KIFC2: variants seen among roughly 807,000 people sequenced by gnomAD.
The protein encoded by KIFC2 is kinesin family member C2, also known as kinesin-like protein KIFC2.
KIFC2 carries 94 observed loss-of-function variants against 91.5 expected under a neutral mutation model. The observed-to-expected ratio is 1.03, with a 90% CI of 0.87 to 1.22. The LOEUF (loss-of-function observed/expected upper bound fraction) is 1.22. Among genes scored for constraint, KIFC2 ranks in the 50% most tolerant of loss-of-function variants. KIFC2 has a pLI of 0.00. For synonymous variants in KIFC2, 729 were observed against 503.9 expected (o/e 1.45, Z -5.98); for missense variants, 1,357 against 1,103.3 (o/e 1.23, Z -3.26).
chr8:144,467,710 C>G lies in KIFC2; in HGVS notation c.616-4C>G, dbSNP rs377299795. 1.9e-6 allele frequency: 3 copies of G among 1,613,692 alleles called. No homozygotes were observed. The highest frequency in any genetic ancestry group is 2.5e-6 in the Non-Finnish European group (3 of 1,179,884). On this transcript the variant is annotated splice_region_variant and splice_polypyrimidine_tract_variant and intron_variant, in intron 5 of 17. Coordinates refer to ENST00000645548, the MANE Select transcript of KIFC2 (RefSeq NM_001369769.2). ...TCCACCCTGTCTCTCTTACTTCTCC[C>G]CAGCTGGAGGAGCTGAAGCAGCAGC...
In KIFC2 at chr8:144,469,334, C is replaced by A; in HGVS notation, c.1177C>A (p.Gln393Lys). Residue 393 changes from glutamine (Q) to lysine (K), a missense_variant, in exon 11 of 18, where the codon CAA becomes AAA. Gln to Lys is a moderately conservative substitution (Grantham distance 53, BLOSUM62 1). Coordinates refer to ENST00000645548, the MANE Select transcript of KIFC2 (RefSeq NM_001369769.2). ...GPGTQLPEGQ[Q>K]GPPAGCPGRL... ...TGGCACTCAGCTCCCTGAGGGGCAGCAAGGGCCCCCAGCCGGATGCCCAGG... is the reference window on the plus strand; with the variant it reads ...TGGCACTCAGCTCCCTGAGGGGCAGAAAGGGCCCCCAGCCGGATGCCCAGG... 1 of 1,607,938 alleles carries A rather than the reference C, an allele frequency of 6.2e-7. No homozygotes were observed. Among genetic ancestry groups the A allele is most frequent in the Admixed American group, 1.7e-5 (1 of 58,642 alleles).
At chr8:144,472,101 G>A (rs750040830) in intron 13 of KIFC2, 37 bp from the exon 14 acceptor site, 1 of 1,613,072 alleles carries the variant, frequency 6.2e-7, no homozygotes, top group South Asian at 1.1e-5. Flanking sequence ...TGCATGACTT[G>A]GATGTGAGCC....
At position 144,472,126 on chromosome 8, in the gene KIFC2, C is replaced by T. The variant is rs935364626; in HGVS notation, c.1486-12C>T. The stretch of plus-strand genomic sequence containing the variant: ...GGATGTGAGCCCGGTGTGCACCCCA[C>T]CCCATCCTCAGGGCCCTCCTGAGGA... On this transcript the variant is annotated splice_polypyrimidine_tract_variant and intron_variant, in intron 13 of 17. Transcript: ENST00000645548. 1 of 1,613,214 alleles carries T rather than the reference C, an allele frequency of 6.2e-7. No individual in the cohort carries two copies.
intron 13 of KIFC2, 24 bp from the exon 14 acceptor site, chr8:144,472,114 G>T (rs747063574): frequency 1.2e-6 from 2 of 1,612,856 alleles, no homozygotes; most frequent in African/African-American, 1.3e-5. Context: ...TGTGAGCCCG[G>T]TGTGCACCCC....
chr8:144,466,965 C>T lies in KIFC2; in HGVS notation c.185C>T (p.Ser62Phe). ...CCTCCTCCCTGACCGGCAGCCAGCTCCGAGCCTGAGGATGGGTCGGAAGGC... is the reference window on the plus strand; with the variant it reads ...CCTCCTCCCTGACCGGCAGCCAGCTTCGAGCCTGAGGATGGGTCGGAAGGC... ...WTELTGLAAS[S>F]EPEDGSEGAA... The change falls in exon 3 of 18, where the codon TCC (serine) becomes TTC (phenylalanine). Residue 62 changes from serine (S) to phenylalanine (F), a missense_variant. By Grantham distance (155) the Ser-to-Phe change is radical (BLOSUM62 -2). Transcript: ENST00000645548. 1.9e-6 allele frequency: 3 copies of T among 1,594,094 alleles called. No individual in the cohort carries two copies. Among genetic ancestry groups the T allele is most frequent in the Non-Finnish European group, 2.5e-6 (3 of 1,176,604 alleles).
At chr8:144,466,708 G>A (rs1824656436) in intron 1 of KIFC2, 52 bp from the exon 2 acceptor site, 2 of 1,415,344 alleles carry the variant, frequency 1.4e-6, no homozygotes, top group Non-Finnish European at 9.4e-7. Context: ...GAGGGAAGGG[G>A]CCAGCAGGCT....
chr8:144,468,069 C>T (rs1824758077), intron 7 of KIFC2, 82 bp downstream of exon 7: 2 of 1,445,332 alleles, frequency 1.4e-6, no homozygotes, highest in African/African-American at 1.4e-5. Context: ...CCCGAGCCTC[C>T]TCAGGACCTC....
rs1230221179 is a variant in KIFC2, at chr8:144,472,815, C to G, written c.1882C>G (p.Leu628Val). ...TCTAGGCACGCTGCACCTGGTGGAC[C>G]TGGCGGGATCCGAACGCGCACGGAA... ...GTAGTLHLVD[L>V]AGSERARKAG... Residue 628 changes from leucine to valine, a missense_variant, in exon 17 of 18, where the codon CTG becomes GTG. Physicochemically the swap from Leu to Val is conservative, Grantham distance 32. Transcript: ENST00000645548. 1 of 1,581,576 alleles carries G rather than the reference C, an allele frequency of 6.3e-7. No individual in the cohort carries two copies. The highest frequency in any genetic ancestry group is 8.5e-7 in the Non-Finnish European group (1 of 1,173,686).
chr8:144,472,358 C>A lies in KIFC2; in HGVS notation c.1608-3C>A. ...GAACCAAGACCTTCCCCTTTCTCAC[C>A]AGGGACCTCCTTGCTCCAGGGCCTC... On this transcript the variant is annotated splice_polypyrimidine_tract_variant and splice_region_variant and intron_variant, in intron 14 of 17. Transcript: ENST00000645548. 6.2e-7 allele frequency: 1 copy of A among 1,613,446 alleles called. No homozygotes were observed. The highest frequency in any genetic ancestry group is 1.1e-5 in the South Asian group (1 of 91,078).
rs1032293883 is a variant in KIFC2 at position 144,467,098 on chromosome 8, G to A, written c.318G>A (p.Ala106=). ...CGGAAGAGAGCTGCGGGGGCCCGGC[G>A]GACCTGGGCCAGGTGAGCGCGGCGG... The part of the protein sequence containing the change: ...LGAEESCGGP[A]DLGQSGEVPS... The change falls in exon 3 of 18, where the codon GCG becomes GCA. Residue 106 remains alanine, a synonymous_variant. Coordinates refer to ENST00000645548, the MANE Select transcript of KIFC2 (RefSeq NM_001369769.2). 1.4e-5 allele frequency: 23 copies of A among 1,599,822 alleles called. No homozygotes were observed. The highest frequency in any genetic ancestry group is 1.9e-5 in the Non-Finnish European group (22 of 1,173,378).
At position 144,473,815 on chromosome 8, in the gene KIFC2, C is replaced by A; in HGVS notation, c.*426C>A. On this transcript the variant is annotated 3_prime_UTR_variant, in exon 18 of 18. Transcript: ENST00000645548. ...GCAGTCTTTACTCCCTAACCCGTTT[C>A]CCGAAAAAGGTGCTACCTCCTTTCC... The A allele has an allele frequency of 2.8e-6, 1 of 358,348 alleles. No homozygotes were observed. The highest frequency in any genetic ancestry group is 4.9e-5 in the East Asian group (1 of 20,542). 22.2% of individuals were successfully genotyped at this position (358,348 alleles called of 1,614,324 possible).
Position 144,473,036 on chromosome 8 carries a change from G to C in KIFC2, c.2103G>C (p.Ala701=), listed in dbSNP as rs1174627579. Residue 701 remains alanine, a synonymous_variant, in exon 17 of 18, where the codon GCG becomes GCC. Transcript: ENST00000645548. The stretch of plus-strand genomic sequence containing the variant: ...CGGCGCTGGGCCCAGGCACCACCGC[G>C]GTGCTGCTGCTGCAGGTGGGCGCCG... ...LQPALGPGTT[A]VLLLQISTRP... 1 of 1,414,256 alleles carries C rather than the reference G, an allele frequency of 7.1e-7. No individual in the cohort carries two copies. The highest frequency in any genetic ancestry group is 2.5e-4 in the Middle Eastern group (1 of 4,008). The allele number at this position is 1,414,256 out of a possible 1,614,324, so 87.6% of individuals were successfully genotyped here. A position where few individuals can be genotyped will look rare whatever the true frequency, so the allele number is the denominator to read the frequency against.
At position 144,468,497 on chromosome 8, in the gene KIFC2, C is replaced by A. The variant is rs1417721097; in HGVS notation, c.889-39C>A. 4 of 1,098,032 alleles carry A rather than the reference C, an allele frequency of 3.6e-6. No homozygotes were observed. In the Admixed American group the frequency reaches 1.2e-4, roughly 32 times the overall value. The allele number at this position is 1,098,032 out of a possible 1,614,324, so 68.0% of individuals were successfully genotyped here. The stretch of plus-strand genomic sequence containing the variant: ...ATCTGAGGCAGGGCCTGGTAAGTGC[C>A]TGTTTCCTCAGTGACAGGGGTGGGG... On this transcript the variant is annotated intron_variant, in intron 8 of 17. Transcript: ENST00000645548.
Position 144,469,503 on chromosome 8 carries a change from G to T in KIFC2, c.1236G>T (p.Val412=). The T allele has an allele frequency of 6.2e-7, 1 of 1,614,010 alleles. No homozygotes were observed. The highest frequency in any genetic ancestry group is 8.5e-7 in the Non-Finnish European group (1 of 1,180,016). The change falls in exon 12 of 18, where the codon GTG becomes GTT. Residue 412 remains valine, a synonymous_variant. Coordinates refer to ENST00000645548, the MANE Select transcript of KIFC2 (RefSeq NM_001369769.2). The stretch of plus-strand genomic sequence containing the variant: ...TCCCCACTGCAGGAAATATCCGTGT[G>T]CTGTGTCGGCTGAGGCCAGGGACAT... The part of the protein sequence containing the change: ...RLPELKGNIR[V]LCRLRPGTSS...
rs769126454 is a variant in KIFC2, at chr8:144,472,887, C to T, written c.1954C>T (p.Arg652Cys). 2.1e-5 allele frequency: 32 copies of T among 1,521,246 alleles called. No individual in the cohort carries two copies. Among genetic ancestry groups the T allele is most frequent in the Non-Finnish European group, 2.6e-5 (30 of 1,149,156 alleles). The allele number at this position is 1,521,246 out of a possible 1,614,324, so 94.2% of individuals were successfully genotyped here. Residue 652 changes from arginine to cysteine, a missense_variant, in exon 17 of 18, where the codon CGC (arginine) becomes TGC (cysteine). Coordinates refer to ENST00000645548, the MANE Select transcript of KIFC2 (RefSeq NM_001369769.2). ...PPRGDPDGAR[R>C]LREAQTINRS... ...GCGGGGAGACCCAGACGGCGCCCGG[C>T]GCCTGCGGGAGGCCCAGACCATAAA...
chr8:144,471,037 C>T (rs1329351521), intron 12 of KIFC2, among the ~76,000 whole-genome samples: 1 of 150,458 alleles, frequency 6.6e-6, no homozygotes, highest in Non-Finnish European at 1.5e-5. Context: ...GATCTCGGCT[C>T]ACTGCAACCT....
At chr8:144,469,016 T>C (rs1241364510) in intron 10 of KIFC2, among the ~76,000 whole-genome samples, 182 bp downstream of exon 10, 1 of 152,188 alleles carries the variant, frequency 6.6e-6, no homozygotes, top group African/African-American at 2.4e-5. Context: ...GCATACTTGG[T>C]TGACAGTAAA....
chr8:144,472,534 G>GTCCTGCA, intron 15 of KIFC2, 43 bp from the exon 16 acceptor site: 3 of 1,611,966 alleles, frequency 1.9e-6, no homozygotes, highest in Non-Finnish European at 2.5e-6. Context: ...CCACTTGGGG[G>GTCCTGCA]CGGGGACCCT....
Position 144,473,355 on chromosome 8 carries a change from C to A in KIFC2, c.2342C>A (p.Ser781Ter), listed in dbSNP as rs1037024198. ...PCPSPDNGSG[S>*]ALAPAEGLPL ...CCCAGTCCCGACAACGGCTCGGGCT[C>A]GGCTCTCGCGCCCGCAGAGGGCCTG... is the stretch of plus-strand genomic sequence containing the variant. The change falls in exon 18 of 18, where the codon TCG (serine) becomes TAG (stop). Residue 781 changes from serine to a stop codon, truncating the protein, a stop_gained. Transcript: ENST00000645548. LOFTEE classifies it low-confidence loss of function (END_TRUNC). 1 of 1,581,598 alleles carries A rather than the reference C, an allele frequency of 6.3e-7. No individual in the cohort carries two copies.
Sources: allele counts gnomAD v4.1 joint callset (sites outside exome capture counted in the v4.1 genomes callset), GRCh38; gene constraint gnomAD v4.1.1; transcripts MANE v1.5; gene names NCBI Gene and HGNC (gene_info 2026-07-23, HGNC 2026-07-21).